The following C1QL4 variants were observed in gnomAD, a reference collection of about 807,000 sequenced individuals.
C1QL4 encodes the protein complement C1q like 4, also known as complement C1q-like protein 4.
A neutral mutation model predicts 13.4 loss-of-function variants in C1QL4; 5 were observed. The observed-to-expected ratio is 0.37, with a 90% CI of 0.19 to 0.78. The LOEUF (loss-of-function observed/expected upper bound fraction) is 0.78. Ranked by LOEUF, C1QL4 falls within the 30% of genes least tolerant of loss-of-function variation. The pLI is 0.47. For missense variants in C1QL4, 367 were observed against 361.6 expected, an observed-to-expected ratio of 1.01 and a Z score of -0.12; for synonymous variants, 168 against 153.9, an observed-to-expected ratio of 1.09 and a Z score of -0.68.
At chr12:49,333,860 A>G (rs951269080) in intron 1 of C1QL4, among the ~76,000 whole-genome samples, 1 of 151,448 alleles carries the variant, frequency 6.6e-6, no homozygotes, top group African/African-American at 2.4e-5. Context: ...TTCTTAAATT[A>G]TTTTTAATGC....
chr12:49,336,258 G>A lies in C1QL4; in HGVS notation c.220C>T (p.Pro74Ser), dbSNP rs957318873. 1.0e-5 allele frequency: 15 copies of A among 1,437,092 alleles called. No homozygotes were observed. In the African/African-American group the frequency reaches 1.9e-4, roughly 18 times the overall value. The allele number at this position is 1,437,092 out of a possible 1,614,324, so 89.0% of individuals were successfully genotyped here. The change falls in exon 1 of 2, where the codon CCA (proline) becomes TCA (serine). Residue 74 changes from proline (P) to serine (S), a missense_variant. By Grantham distance (74) the Pro-to-Ser change is moderately conservative. Coordinates refer to ENST00000334221, the MANE Select transcript of C1QL4 (RefSeq NM_001008223.2). This position sits in a 1 kb window ranked among gnomAD's most constrained non-coding sequence, Gnocchi z 7.7. ...GKAGLRGPPG[P>S]PGPRGPPGEP... ...CCTGGGGGCCCTCTTGGACCTGGTG[G>A]TCCAGGGGGCCCCCGCAGGCCTGCT...
intron 1 of C1QL4, among the ~76,000 whole-genome samples, chr12:49,334,157 C>T (rs962532321): frequency 1.3e-5 from 2 of 152,104 alleles, no homozygotes; most frequent in Admixed American, 6.5e-5. Context: ...AGCGCCATTG[C>T]ACTCCAGCCT....
In C1QL4 at chr12:49,336,051, T is replaced by C. The variant is rs1204728314; in HGVS notation, c.427A>G (p.Ser143Gly). Reference sequence around the variant, plus strand: ...GGCATGGGGCAAGTAAACTTGCCGCTGGCTGCCTCGTAGGCGTTGCCCACG... The same window carrying C: ...GGCATGGGGCAAGTAAACTTGCCGCCGGCTGCCTCGTAGGCGTTGCCCACG... ...TNVGNAYEAA[S>G]GKFTCPMPGV... The change falls in exon 1 of 2, where the codon AGC (serine) becomes GGC (glycine). Residue 143 changes from serine (S) to glycine (G), a missense_variant. Coordinates refer to ENST00000334221, the MANE Select transcript of C1QL4 (RefSeq NM_001008223.2). The surrounding 1 kb of genome is among the most constrained non-coding windows in gnomAD (Gnocchi z 7.7). 2.5e-6 allele frequency: 4 copies of C among 1,612,130 alleles called. No homozygotes were observed. In the Admixed American group the frequency reaches 6.7e-5, roughly 27 times the overall value.
At position 49,336,772 on chromosome 12, in the gene C1QL4, C is replaced by T. The variant is rs905185302; in HGVS notation, c.-295G>A. 1 of 397,040 alleles carries T rather than the reference C, an allele frequency of 2.5e-6. No individual in the cohort carries two copies. The highest frequency in any genetic ancestry group is 4.5e-6 in the Non-Finnish European group (1 of 222,068). The allele number at this position is 397,040 out of a possible 1,614,324, so 24.6% of individuals were successfully genotyped here. A position where few individuals can be genotyped will look rare whatever the true frequency, so the allele number is the denominator to read the frequency against. On this transcript the variant is annotated 5_prime_UTR_variant, in exon 1 of 2. Transcript: ENST00000334221. This position sits in a 1 kb window ranked among gnomAD's most constrained non-coding sequence, Gnocchi z 7.7. Reference sequence around the variant, plus strand: ...AGGGGCAGCTCCCGACGGTCCAGAGCCAGTGGTCCTCTAGTACCCTCCCGT... The same window carrying T: ...AGGGGCAGCTCCCGACGGTCCAGAGTCAGTGGTCCTCTAGTACCCTCCCGT...
chr12:49,336,433 G>A lies in C1QL4; in HGVS notation c.45C>T (p.Ser15=). ...TCTCGTAGTGCGCTGGCCCGCGGGA[G>A]CTGTGCACCAGCAGCGGGATGGCCA... ...LLVAIPLLVH[S]SRGPAHYEML... The change falls in exon 1 of 2, where the codon AGC becomes AGT. Residue 15 remains serine, a synonymous_variant. Transcript: ENST00000334221. The surrounding 1 kb of genome is among the most constrained non-coding windows in gnomAD (Gnocchi z 7.7). The A allele has an allele frequency of 1.3e-6, 2 of 1,550,174 alleles. No individual in the cohort carries two copies. The highest frequency in any genetic ancestry group is 1.2e-5 in the South Asian group (1 of 86,050).
In C1QL4 at chr12:49,333,066, G is replaced by C. The variant is rs1443605885; in HGVS notation, c.705C>G (p.Ile235Met). The C allele has an allele frequency of 6.2e-7, 1 of 1,613,394 alleles. No homozygotes were observed. Among genetic ancestry groups the C allele is most frequent in the Non-Finnish European group, 8.5e-7 (1 of 1,179,664 alleles). The change falls in exon 2 of 2, where the codon ATC (isoleucine) becomes ATG (methionine). Residue 235 changes from isoleucine (I) to methionine (M), a missense_variant. Physicochemically the swap from Ile to Met is conservative, Grantham distance 10 (BLOSUM62 1). Coordinates refer to ENST00000334221, the MANE Select transcript of C1QL4 (RefSeq NM_001008223.2). ...NKYSTFSGFI[I>M]YPD ...GGGCGGGGCCGGCTCAGTCGGGGTA[G>C]ATGATGAAGCCGGAGAAGGTGCTGT...
rs1943629205 is a variant in C1QL4, at chr12:49,336,107, T to TA, written c.370_371insT (p.Glu124ValfsTer147). The TA allele has an allele frequency of 6.2e-7, 1 of 1,611,676 alleles. No homozygotes were observed. The highest frequency in any genetic ancestry group is 8.5e-7 in the Non-Finnish European group (1 of 1,179,856). On this transcript the variant is annotated frameshift_variant, in exon 1 of 2. Transcript: ENST00000334221. LOFTEE classifies it high-confidence loss of function. The surrounding 1 kb of genome is among the most constrained non-coding windows in gnomAD (Gnocchi z 7.7). ...CACCACGTCGTCGAAGCGCAGCACC[T>TA]CGTAACCCTCGTGGGGCCGCCGCAG...
Position 49,336,069 on chromosome 12 carries a change from T to C in C1QL4, c.409A>G (p.Asn137Asp). Reference protein sequence around the residue: ...RFDDVVTNVGNAYEAASGKFT... With the variant: ...RFDDVVTNVGDAYEAASGKFT... Reference sequence around the variant, plus strand: ...TTGCCGCTGGCTGCCTCGTAGGCGTTGCCCACGTTGGTCACCACGTCGTCG... The same window carrying C: ...TTGCCGCTGGCTGCCTCGTAGGCGTCGCCCACGTTGGTCACCACGTCGTCG... Residue 137 changes from asparagine to aspartate, a missense_variant, in exon 1 of 2, where the codon AAC (asparagine) becomes GAC (aspartate). By Grantham distance (23) the Asn-to-Asp change is conservative. Coordinates refer to ENST00000334221, the MANE Select transcript of C1QL4 (RefSeq NM_001008223.2). This position sits in a 1 kb window ranked among gnomAD's most constrained non-coding sequence, Gnocchi z 7.7. 2 of 1,612,436 alleles carry C rather than the reference T, an allele frequency of 1.2e-6. No homozygotes were observed. Among genetic ancestry groups the C allele is most frequent in the Non-Finnish European group, 1.7e-6 (2 of 1,179,956 alleles).
At chr12:49,333,331 GC>G in intron 1 of C1QL4, 98 bp from the exon 2 acceptor site, 1 of 1,299,292 alleles carries the variant, frequency 7.7e-7, no homozygotes, top group Admixed American at 2.5e-5. Context: ...GGCAGCCGCC[GC>G]AGGGGCTGGG....
intron 1 of C1QL4, among the ~76,000 whole-genome samples, chr12:49,334,108 G>A (rs1297281436): frequency 6.6e-6 from 1 of 152,060 alleles, no homozygotes; most frequent in Admixed American, 6.5e-5. Flanking sequence ...TCGGAGAATC[G>A]CTTGAACCCA....
rs747733016 is a variant in C1QL4, at chr12:49,336,102, G to A, written c.376C>T (p.Leu126=). ...LRRPHEGYEV[L]RFDDVVTNVG... is the part of the protein sequence containing the mutation. ...TTGGTCACCACGTCGTCGAAGCGCA[G>A]CACCTCGTAACCCTCGTGGGGCCGC... Residue 126 remains leucine (L), a synonymous_variant, in exon 1 of 2, where the codon CTG becomes TTG. Coordinates refer to ENST00000334221, the MANE Select transcript of C1QL4 (RefSeq NM_001008223.2). This position sits in a 1 kb window ranked among gnomAD's most constrained non-coding sequence, Gnocchi z 7.7. 2 of 1,612,220 alleles carry A rather than the reference G, an allele frequency of 1.2e-6. No homozygotes were observed. Among genetic ancestry groups the A allele is most frequent in the Middle Eastern group, 1.9e-4 (1 of 5,274 alleles).
At chr12:49,335,604 C>G (rs980035250) in intron 1 of C1QL4, among the ~76,000 whole-genome samples, 1 of 152,108 alleles carries the variant, frequency 6.6e-6, no homozygotes, top group Non-Finnish European at 1.5e-5. Flanking sequence ...CAAGACAGGA[C>G]GAGAAAAGAA....
At position 49,336,067 on chromosome 12, in the gene C1QL4, G is replaced by A. The variant is rs1431356719; in HGVS notation, c.411C>T (p.Asn137=). 2.5e-6 allele frequency: 4 copies of A among 1,612,364 alleles called. No homozygotes were observed. The highest frequency in any genetic ancestry group is 1.1e-5 in the South Asian group (1 of 90,982). ...ACTTGCCGCTGGCTGCCTCGTAGGC[G>A]TTGCCCACGTTGGTCACCACGTCGT... ...RFDDVVTNVG[N]AYEAASGKFT... The change falls in exon 1 of 2, where the codon AAC becomes AAT. Residue 137 remains asparagine, a synonymous_variant. Coordinates refer to ENST00000334221, the MANE Select transcript of C1QL4 (RefSeq NM_001008223.2). This position sits in a 1 kb window ranked among gnomAD's most constrained non-coding sequence, Gnocchi z 7.7.
At position 49,336,032 on chromosome 12, in the gene C1QL4, G is replaced by T; in HGVS notation, c.446C>A (p.Pro149His). The change falls in exon 1 of 2, where the codon CCC becomes CAC. Residue 149 changes from proline to histidine, a missense_variant. By Grantham distance (77) the Pro-to-His change is moderately conservative. Coordinates refer to ENST00000334221, the MANE Select transcript of C1QL4 (RefSeq NM_001008223.2). This position sits in a 1 kb window ranked among gnomAD's most constrained non-coding sequence, Gnocchi z 7.7. The part of the protein sequence containing the change: ...YEAASGKFTC[P>H]MPGVYFFAYH... ...AGCGAAGAAGTAGACGCCTGGCATGGGGCAAGTAAACTTGCCGCTGGCTGC... is the reference window on the plus strand; with the variant it reads ...AGCGAAGAAGTAGACGCCTGGCATGTGGCAAGTAAACTTGCCGCTGGCTGC... 3.1e-6 allele frequency: 5 copies of T among 1,611,804 alleles called. No individual in the cohort carries two copies. Among genetic ancestry groups the T allele is most frequent in the Non-Finnish European group, 3.4e-6 (4 of 1,179,768 alleles).
chr12:49,333,260 G>T lies in C1QL4; in HGVS notation c.538-27C>A, dbSNP rs771405276. Reference sequence around the variant, plus strand: ...TATCGAGGGAGAAGAACCTGCTCATGCTCTGTGTGGAGCTGGGGTGACGAG... The same window carrying T: ...TATCGAGGGAGAAGAACCTGCTCATTCTCTGTGTGGAGCTGGGGTGACGAG... On this transcript the variant is annotated intron_variant, in intron 1 of 1. Transcript: ENST00000334221. 5.2e-5 allele frequency: 83 copies of T among 1,606,970 alleles called. No homozygotes were observed. The Admixed American group carries it at 1.4e-3, about 27-fold the overall frequency.
At chr12:49,335,440 G>C (rs562247864) in intron 1 of C1QL4, among the ~76,000 whole-genome samples, 1 of 152,178 alleles carries the variant, frequency 6.6e-6, no homozygotes, top group Non-Finnish European at 1.5e-5. Context: ...CATCCAACCC[G>C]AATGCCCTCA....
At position 49,332,916 on chromosome 12, in the gene C1QL4, T is replaced by G; in HGVS notation, c.*138A>C. On this transcript the variant is annotated 3_prime_UTR_variant, in exon 2 of 2. Transcript: ENST00000334221. ...CCTTGAGCACCAAGAGTTCGCCCAT[T>G]TAGGCCGCCTCCGGGAACGGAAGGG... 1.1e-6 allele frequency: 1 copy of G among 918,358 alleles called. No homozygotes were observed. Among genetic ancestry groups the G allele is most frequent in the Non-Finnish European group, 1.6e-6 (1 of 624,144 alleles). The allele number at this position is 918,358 out of a possible 1,614,324, so 56.9% of individuals were successfully genotyped here. A position where few individuals can be genotyped will look rare whatever the true frequency, so the allele number is the denominator to read the frequency against.
In C1QL4 at chr12:49,333,123, G is replaced by A. The variant is rs747493682; in HGVS notation, c.648C>T (p.Gly216=). ...TGGTGTTGCCGCCGTGCACTTTCCC[G>A]CCGTCCAGCTTGATGAAGACCTCGT... ...VGDEVFIKLD[G]GKVHGGNTNK... is the part of the protein sequence containing the mutation. Residue 216 remains glycine, a synonymous_variant, in exon 2 of 2, where the codon GGC becomes GGT. Coordinates refer to ENST00000334221, the MANE Select transcript of C1QL4 (RefSeq NM_001008223.2). 6.2e-7 allele frequency: 1 copy of A among 1,614,122 alleles called. No homozygotes were observed. Among genetic ancestry groups the A allele is most frequent in the Non-Finnish European group, 8.5e-7 (1 of 1,179,982 alleles).
chr12:49,333,057 G>T lies in C1QL4; in HGVS notation c.714C>A (p.Asp238Glu). 1 of 1,612,414 alleles carries T rather than the reference G, an allele frequency of 6.2e-7. No homozygotes were observed. Among genetic ancestry groups the T allele is most frequent in the South Asian group, 1.1e-5 (1 of 90,898 alleles). ...GGGGGCACGGGGCGGGGCCGGCTCA[G>T]TCGGGGTAGATGATGAAGCCGGAGA... ...STFSGFIIYP[D>E] Residue 238 changes from aspartate to glutamate, a missense_variant, in exon 2 of 2, where the codon GAC (aspartate) becomes GAA (glutamate). Physicochemically the swap from Asp to Glu is conservative, Grantham distance 45. Coordinates refer to ENST00000334221, the MANE Select transcript of C1QL4 (RefSeq NM_001008223.2).
Sources: allele counts gnomAD v4.1 joint callset (sites outside exome capture counted in the v4.1 genomes callset), GRCh38; gene constraint gnomAD v4.1.1; non-coding constraint Gnocchi (gnomAD v3.1); transcripts MANE v1.5; gene names NCBI Gene and HGNC (gene_info 2026-07-23, HGNC 2026-07-21).